Variants in FLG observed in about 807,000 individuals in gnomAD.
The protein encoded by FLG is filaggrin.
A neutral mutation model predicts 3.8 loss-of-function variants in FLG; 6 were observed. That is an observed-to-expected ratio of 1.60 (90% CI 0.87 to 3.15). FLG has a LOEUF of 3.15. FLG is among the 30% of genes most tolerant of loss of function. The pLI, the probability that FLG is intolerant of heterozygous loss-of-function variation, is 0.00. For synonymous variants in FLG, 2,551 were observed against 1,931.6 expected (o/e 1.32, Z -8.41); for missense variants, 7,595 against 5,050.9 (o/e 1.50, Z -15.27).
rs1423255883 is a variant in FLG, at chr1:152,309,241, C to T, written c.5645G>A (p.Gly1882Glu). The change falls in exon 3 of 3, where the codon GGG (glycine) becomes GAG (glutamate). Residue 1882 changes from glycine to glutamate, a missense_variant. Transcript: ENST00000368799. The stretch of plus-strand genomic sequence containing the variant: ...AGAGGAAGCTTCATGGTGACGCGAC[C>T]CTGAGTGCCTGGAGCCGTCTCCTGA... ...KQSGDGSRHS[G>E]SRHHEASSRA... 6.2e-7 allele frequency: 1 copy of T among 1,613,422 alleles called. No homozygotes were observed. Among genetic ancestry groups the T allele is most frequent in the Non-Finnish European group, 8.5e-7 (1 of 1,179,856 alleles).
intron 1 of FLG, among the ~76,000 whole-genome samples, chr1:152,324,743 A>C (rs953677335): frequency 6.6e-6 from 1 of 151,880 alleles, no homozygotes; most frequent in Non-Finnish European, 1.5e-5. Flanking sequence ...ATTATGACCC[A>C]GGGAAGCCAA....
At position 152,314,051 on chromosome 1, in the gene FLG, TA is replaced by T. The variant is rs751629874; in HGVS notation, c.834del (p.Asn278LysfsTer168). 25 of 1,614,222 alleles carry T rather than the reference TA, an allele frequency of 1.5e-5. No individual in the cohort carries two copies. The highest frequency in any genetic ancestry group is 2.1e-5 in the Non-Finnish European group (25 of 1,180,032). On this transcript the variant is annotated frameshift_variant, in exon 3 of 3. Coordinates refer to ENST00000368799, the MANE Select transcript of FLG (RefSeq NM_002016.2). LOFTEE classifies it low-confidence loss of function (END_TRUNC). The part of the protein sequence containing the change: ...SSQVNRSRHE[N>X]TSQVPLQESR... ...GACTCCTGCAATGGTACCTGGCTTG[TA>T]TTTTCATGTCTTGACCTGTTCACTT...
At position 152,317,378 on chromosome 1, in the gene FLG, G is replaced by T. The variant is rs193022849; in HGVS notation, c.-21-1901C>A. On this transcript the variant is annotated intron_variant, in intron 1 of 2. Coordinates refer to ENST00000368799, the MANE Select transcript of FLG (RefSeq NM_002016.2). ...CTCATTCTTGTTTTCCTTTACTCAA[G>T]GTATTTTTCTTTCTAAAAAATGTAT... Among the ~76,000 whole-genome samples the T allele has an allele frequency of 4.1e-3, 620 of 151,874 alleles. 18 individuals are homozygous for T. Among genetic ancestry groups the T allele is most frequent in the Admixed American group, 0.035 (527 of 15,232 alleles).
In FLG at chr1:152,312,709, C is replaced by A. The variant is rs1652539406; in HGVS notation, c.2177G>T (p.Gly726Val). ...GACTGCAGATGAAGCTTGTCCGTGC[C>A]CAGTGCCTGAGTGTCTGGAGCTGTC... The part of the protein sequence containing the change: ...SADSSRHSGT[G>V]HGQASSAVRD... The change falls in exon 3 of 3, where the codon GGG becomes GTG. Residue 726 changes from glycine to valine, a missense_variant. Gly to Val is a moderately radical substitution (Grantham distance 109, BLOSUM62 -3). Transcript: ENST00000368799. 6.2e-7 allele frequency: 1 copy of A among 1,613,902 alleles called. No individual in the cohort carries two copies. Among genetic ancestry groups the A allele is most frequent in the Non-Finnish European group, 8.5e-7 (1 of 1,179,992 alleles).
rs1468704340 is a variant in FLG, at chr1:152,310,194, A to G, written c.4692T>C (p.Pro1564=). ...GTCTAGAGCTGCCGGCCCGAGTGGA[A>G]GGTTCATGGTGACGTGACCCTGAGT... ...SRHSGSRHHE[P]STRAGSSRHS... The change falls in exon 3 of 3, where the codon CCT becomes CCC. Residue 1564 remains proline (P), a synonymous_variant. Coordinates refer to ENST00000368799, the MANE Select transcript of FLG (RefSeq NM_002016.2). 3.7e-6 allele frequency: 6 copies of G among 1,613,530 alleles called. No homozygotes were observed. The highest frequency in any genetic ancestry group is 1.3e-5 in the African/African-American group (1 of 74,716).
chr1:152,305,036 C>T lies in FLG; in HGVS notation c.9850G>A (p.Gly3284Ser). Residue 3284 changes from glycine to serine, a missense_variant, in exon 3 of 3, where the codon GGT becomes AGT. Physicochemically the swap from Gly to Ser is moderately conservative, Grantham distance 56. Transcript: ENST00000368799. ...TCATGGGATGATGCAGCCTGTCCAC[C>T]AGAGGAAGTCTCTGCGTGACGAGTG... The part of the protein sequence containing the change: ...SGTRHAETSS[G>S]GQAASSHEQA... 2 of 1,613,934 alleles carry T rather than the reference C, an allele frequency of 1.2e-6. No homozygotes were observed. The highest frequency in any genetic ancestry group is 1.7e-6 in the Non-Finnish European group (2 of 1,179,990).
In FLG at chr1:152,311,257, T is replaced by G. The variant is rs770728636; in HGVS notation, c.3629A>C (p.Gln1210Pro). Residue 1210 changes from glutamine (Q) to proline (P), a missense_variant, in exon 3 of 3, where the codon CAG becomes CCG. Gln to Pro is a moderately conservative substitution (Grantham distance 76). Coordinates refer to ENST00000368799, the MANE Select transcript of FLG (RefSeq NM_002016.2). Reference protein sequence around the residue: ...SQGRSDASHGQSGSRSASRQT... With the variant: ...SQGRSDASHGPSGSRSASRQT... ...TCTGCTTGCACTTCTGGATCCTGACTGCCCATGGGAGGCATCAGACCTTCC... is the reference window on the plus strand; with the variant it reads ...TCTGCTTGCACTTCTGGATCCTGACGGCCCATGGGAGGCATCAGACCTTCC... 2 of 1,613,788 alleles carry G rather than the reference T, an allele frequency of 1.2e-6. No homozygotes were observed. The highest frequency in any genetic ancestry group is 1.7e-6 in the Non-Finnish European group (2 of 1,179,934).
In FLG at chr1:152,304,661, G is replaced by A. The variant is rs201356558; in HGVS notation, c.10225C>T (p.Arg3409Ter). ...AHGRTRTSTG[R>*]RQGSHHEQAR... is the part of the protein sequence containing the mutation. ...TGCTCGTGGTGGGATCCTTGTCTTC[G>A]TCCAGTGCTGGTCCTGGTCCGCCCA... Residue 3409 changes from arginine (R) to a stop codon, truncating the protein, a stop_gained, in exon 3 of 3, where the codon CGA (arginine) becomes TGA (stop). Coordinates refer to ENST00000368799, the MANE Select transcript of FLG (RefSeq NM_002016.2). LOFTEE classifies it low-confidence loss of function (END_TRUNC). 8.3e-5 allele frequency: 134 copies of A among 1,609,368 alleles called. 2 individuals are homozygous for A. Among genetic ancestry groups the A allele is most frequent in the East Asian group, 4.1e-4 (18 of 44,334 alleles).
chr1:152,309,843 A>T lies in FLG; in HGVS notation c.5043T>A (p.His1681Gln). The part of the protein sequence containing the change: ...EQARSSPGER[H>Q]GSRHQQSADS... ...CTGCTGACTGCTGGTGGCGGGATCC[A>T]TGTCTTTCTCCTGGACTTGACCTTG... Residue 1681 changes from histidine (H) to glutamine (Q), a missense_variant, in exon 3 of 3, where the codon CAT becomes CAA. By Grantham distance (24) the His-to-Gln change is conservative. Coordinates refer to ENST00000368799, the MANE Select transcript of FLG (RefSeq NM_002016.2). 1.9e-6 allele frequency: 3 copies of T among 1,613,828 alleles called. No individual in the cohort carries two copies. The highest frequency in any genetic ancestry group is 2.5e-6 in the Non-Finnish European group (3 of 1,179,928).
At position 152,310,028 on chromosome 1, in the gene FLG, C is replaced by T; in HGVS notation, c.4858G>A (p.Gly1620Arg). 2 of 1,613,908 alleles carry T rather than the reference C, an allele frequency of 1.2e-6. No individual in the cohort carries two copies. Among genetic ancestry groups the T allele is most frequent in the Non-Finnish European group, 1.7e-6 (2 of 1,179,986 alleles). Residue 1620 changes from glycine to arginine, a missense_variant, in exon 3 of 3, where the codon GGA becomes AGA. Transcript: ENST00000368799. ...RSESASRNHY[G>R]SAREQSRHGS... Reference sequence around the variant, plus strand: ...TGTCTTGACTGCTCCCGAGCAGATCCATAATGGTTTCTGGAAGCCGACTCA... The same window carrying T: ...TGTCTTGACTGCTCCCGAGCAGATCTATAATGGTTTCTGGAAGCCGACTCA...
rs535401849 is a variant in FLG at position 152,313,363 on chromosome 1, G to C, written c.1523C>G (p.Ala508Gly). Residue 508 changes from alanine (A) to glycine (G), a missense_variant, in exon 3 of 3, where the codon GCG (alanine) becomes GGG (glycine). Coordinates refer to ENST00000368799, the MANE Select transcript of FLG (RefSeq NM_002016.2). ...AATGGTGTCCTGACCCTCTTGGGAC[G>C]CTGAATGCCTGGAGCTGTCTCGTGC... ...EQARDSSRHS[A>G]SQEGQDTIRG... 8 of 1,613,054 alleles carry C rather than the reference G, an allele frequency of 5.0e-6. No homozygotes were observed. Among genetic ancestry groups the C allele is most frequent in the Non-Finnish European group, 6.8e-6 (8 of 1,179,768 alleles).
chr1:152,317,559 A>G (rs1652828488), intron 1 of FLG, among the ~76,000 whole-genome samples: 1 of 151,814 alleles, frequency 6.6e-6, no homozygotes, highest in South Asian at 2.1e-4. Context: ...TCCAACCTCA[A>G]TGGCCACTTT....
At position 152,308,112 on chromosome 1, in the gene FLG, C is replaced by T. The variant is rs1557875018; in HGVS notation, c.6774G>A (p.Arg2258=). 1.9e-6 allele frequency: 3 copies of T among 1,613,412 alleles called. No individual in the cohort carries two copies. The highest frequency in any genetic ancestry group is 1.7e-5 in the Admixed American group (1 of 59,946). The change falls in exon 3 of 3, where the codon AGG becomes AGA. Residue 2258 remains arginine (R), a synonymous_variant. Coordinates refer to ENST00000368799, the MANE Select transcript of FLG (RefSeq NM_002016.2). The part of the protein sequence containing the change: ...DSEGHSEDSE[R]RSGSASRNHH... ...GGTTTCTGGACGCAGACCCAGACCG[C>T]CTCTCAGAATCTTCTGAGTGTCCCT...
At position 152,307,292 on chromosome 1, in the gene FLG, A is replaced by G. The variant is rs1314298164; in HGVS notation, c.7594T>C (p.Ser2532Pro). The change falls in exon 3 of 3, where the codon TCG (serine) becomes CCG (proline). Residue 2532 changes from serine (S) to proline (P), a missense_variant. Coordinates refer to ENST00000368799, the MANE Select transcript of FLG (RefSeq NM_002016.2). The part of the protein sequence containing the change: ...QSGDGSRHSG[S>P]RHHEASSRAD... ...CGAGAGGAAGCTTCATGGTGACGCG[A>G]CCCTGAGTGCCTGGAGCCGTCTCCT... 3.7e-6 allele frequency: 6 copies of G among 1,612,116 alleles called. No homozygotes were observed. Among genetic ancestry groups the G allele is most frequent in the Admixed American group, 1.7e-5 (1 of 59,818 alleles).
intron 1 of FLG, among the ~76,000 whole-genome samples, chr1:152,317,711 TACCCCCAGTC>T (rs907843261): frequency 2.0e-5 from 3 of 152,078 alleles, no homozygotes; most frequent in Non-Finnish European, 4.4e-5. Flanking sequence ...CACAAGTTTA[TACCCCCAGTC>T]ACTGACTGTC....
At position 152,310,329 on chromosome 1, in the gene FLG, G is replaced by A. The variant is rs1362575742; in HGVS notation, c.4557C>T (p.His1519=). The A allele has an allele frequency of 6.2e-6, 10 of 1,613,860 alleles. No homozygotes were observed. The highest frequency in any genetic ancestry group is 8.5e-6 in the Non-Finnish European group (10 of 1,180,006). Residue 1519 remains histidine, a synonymous_variant, in exon 3 of 3, where the codon CAC becomes CAT. Transcript: ENST00000368799. ...VDRSGHSGYH[H]SHTTPQGRSD... ...ACCTTCCCTGGGGTGTGGTGTGGCT[G>A]TGATGGTACCCTGAGTGTCCAGACC...
chr1:152,307,067 T>C lies in FLG; in HGVS notation c.7819A>G (p.Arg2607Gly). The change falls in exon 3 of 3, where the codon AGG becomes GGG. Residue 2607 changes from arginine to glycine, a missense_variant. Coordinates refer to ENST00000368799, the MANE Select transcript of FLG (RefSeq NM_002016.2). The part of the protein sequence containing the change: ...EQLRDGSRHP[R>G]SHQEDRAGHG... Reference sequence around the variant, plus strand: ...CCAGCTCTGTCTTCTTGATGGGACCTGGGGTGTCTGGAGCCATCTCTTAGC... The same window carrying C: ...CCAGCTCTGTCTTCTTGATGGGACCCGGGGTGTCTGGAGCCATCTCTTAGC... 4 of 1,609,212 alleles carry C rather than the reference T, an allele frequency of 2.5e-6. No homozygotes were observed. Among genetic ancestry groups the C allele is most frequent in the Non-Finnish European group, 3.4e-6 (4 of 1,179,438 alleles).
chr1:152,321,301 C>G (rs938835876), intron 1 of FLG, among the ~76,000 whole-genome samples: 3 of 149,850 alleles, frequency 2.0e-5, no homozygotes, highest in Non-Finnish European at 4.5e-5. Flanking sequence ...CAAATTAAGC[C>G]CTAAGAAAGT....
At position 152,312,834 on chromosome 1, in the gene FLG, G is replaced by A. The variant is rs755582714; in HGVS notation, c.2052C>T (p.His684=). 2.5e-6 allele frequency: 4 copies of A among 1,614,088 alleles called. No homozygotes were observed. The East Asian group carries it at 8.9e-5, about 36-fold the overall frequency. Residue 684 remains histidine (H), a synonymous_variant, in exon 3 of 3, where the codon CAC becomes CAT. Transcript: ENST00000368799. The stretch of plus-strand genomic sequence containing the variant: ...CCTGTCCACTAGAGGAATTCTGTGT[G>A]TGACGAGTGCCTGATTTTCTGGAGC... ...ADSSRKSGTR[H]TQNSSSGQAA...
Sources: gnomAD v4.1 joint callset for allele counts (sites outside exome capture counted in the v4.1 genomes callset) on GRCh38, gnomAD v4.1.1 for gene constraint, MANE v1.5 for transcripts, NCBI Gene and HGNC (gene_info 2026-07-23, HGNC 2026-07-21) for gene names.